The following HNRNPR variants were observed in gnomAD, a reference collection of about 807,000 sequenced individuals.
HNRNPR encodes the protein heterogeneous nuclear ribonucleoprotein R.
Under a neutral mutation model 70.3 loss-of-function variants are expected in HNRNPR, and 4 were observed. The observed-to-expected ratio is 0.06, with a 90% CI of 0.03 to 0.13. The LOEUF (loss-of-function observed/expected upper bound fraction) is 0.13, where lower values mean the gene tolerates loss of function less well. HNRNPR is among the 10% of genes least tolerant of loss of function. HNRNPR has a pLI of 1.00. For missense variants in HNRNPR, 423 were observed against 788.5 expected (o/e 0.54, Z 5.55); for synonymous variants, 241 against 267.6 (o/e 0.90, Z 0.97).
chr1:23,323,357 A>G (rs1340884779), intron 6 of HNRNPR, among the ~76,000 whole-genome samples, 199 bp downstream of exon 6: 1 of 152,230 alleles, frequency 6.6e-6, no homozygotes, highest in Non-Finnish European at 1.5e-5. Context: ...TCTATAAAAC[A>G]TTACTTTTTG....
Position 23,323,667 on chromosome 1 carries a change from G to A in HNRNPR, c.564C>T (p.Ala188=), listed in dbSNP as rs560815219. 8.9e-5 allele frequency: 144 copies of A among 1,613,858 alleles called. No individual in the cohort carries two copies. Among genetic ancestry groups the A allele is most frequent in the Middle Eastern group, 6.6e-4 (4 of 6,084 alleles). ...TAAGACGTAGATCCCAAATGGGTCCGGCCTTCTCAAAAAGGGGCACCAACT... is the reference window on the plus strand; with the variant it reads ...TAAGACGTAGATCCCAAATGGGTCCAGCCTTCTCAAAAAGGGGCACCAACT... ...EDELVPLFEK[A]GPIWDLRLMM... is the part of the protein sequence containing the mutation. Residue 188 remains alanine (A), a synonymous_variant, in exon 6 of 11, where the codon GCC becomes GCT. Transcript: ENST00000302271.
chr1:23,342,919 A>C (rs1646757533), intron 1 of HNRNPR, among the ~76,000 whole-genome samples: 1 of 152,230 alleles, frequency 6.6e-6, no homozygotes, highest in Non-Finnish European at 1.5e-5. Context: ...TTGATACTGA[A>C]ATTGGTTAAA....
chr1:23,340,211 T>A (rs530768167), intron 2 of HNRNPR, among the ~76,000 whole-genome samples: 1 of 151,674 alleles, frequency 6.6e-6, no homozygotes, highest in Non-Finnish European at 1.5e-5. Context: ...TCCCTAAGGG[T>A]AAATATTTCT....
At position 23,315,304 on chromosome 1, in the gene HNRNPR, AAC is replaced by A. The variant is rs1645497041; in HGVS notation, c.1018-1604_1018-1603del. 3.6e-5 allele frequency among the ~76,000 whole-genome samples: 5 copies of A among 138,010 alleles called. 1 individual carries two copies. Among genetic ancestry groups the A allele is most frequent in the East Asian group, 1.9e-4 (1 of 5,174 alleles). 90.5% of individuals were successfully genotyped at this position (138,010 alleles called of 152,430 possible). A position where few individuals can be genotyped will look rare whatever the true frequency, so the allele number is the denominator to read the frequency against. On this transcript the variant is annotated intron_variant, in intron 8 of 10. Coordinates refer to ENST00000302271, the MANE Select transcript of HNRNPR (RefSeq NM_005826.5). ...CAAAAAAAAAAAAAAAAAAAAAAAA[AAC>A]AAAAACCCAAAAAATGAAGAGGAGC...
At position 23,308,926 on chromosome 1, in the gene HNRNPR, A is replaced by T. The variant is rs775563645; in HGVS notation, c.*1528T>A. ...GGCTTCTGATATTTTTATCATTATAAAAACATTTGAGAACCACGTAAGAAT... is the reference window on the plus strand; with the variant it reads ...GGCTTCTGATATTTTTATCATTATATAAACATTTGAGAACCACGTAAGAAT... On this transcript the variant is annotated 3_prime_UTR_variant, in exon 11 of 11. Coordinates refer to ENST00000302271, the MANE Select transcript of HNRNPR (RefSeq NM_005826.5). 4 of 152,082 alleles carry T rather than the reference A, an allele frequency of 2.6e-5. No individual in the cohort carries two copies. The highest frequency in any genetic ancestry group is 6.5e-5 in the Admixed American group (1 of 15,280). The allele number at this position is 152,082 out of a possible 1,614,324, so 9.4% of individuals were successfully genotyped here.
intron 4 of HNRNPR, among the ~76,000 whole-genome samples, chr1:23,335,712 T>A (rs1198202830): frequency 3.9e-5 from 6 of 152,152 alleles, no homozygotes; most frequent in African/African-American, 1.4e-4. Context: ...GAAAACAAGC[T>A]CAGGGATCCC....
intron 7 of HNRNPR, among the ~76,000 whole-genome samples, chr1:23,321,094 C>T (rs894742219): frequency 2.1e-5 from 3 of 144,864 alleles, no homozygotes; most frequent in East Asian, 2.0e-4. Flanking sequence ...ACCAAGGAGG[C>T]GGAGGTTGCA....
chr1:23,311,949 C>CA (rs1331029816), intron 9 of HNRNPR: 2 of 152,246 alleles, frequency 1.3e-5, no homozygotes, highest in African/African-American at 4.8e-5. Context: ...AATGAAGACT[C>CA]AAGCAATTAT....
intron 5 of HNRNPR, among the ~76,000 whole-genome samples, chr1:23,325,108 C>G (rs1362503303): frequency 6.6e-6 from 1 of 151,996 alleles, no homozygotes; most frequent in Non-Finnish European, 1.5e-5. Flanking sequence ...CCACTACACT[C>G]CAGCCTGGGC....
In HNRNPR at chr1:23,313,558, C is replaced by T. The variant is rs758473892; in HGVS notation, c.1162G>A (p.Val388Ile). 1.3e-6 allele frequency: 2 copies of T among 1,545,516 alleles called. No homozygotes were observed. The highest frequency in any genetic ancestry group is 1.4e-5 in the African/African-American group (1 of 70,480). Residue 388 changes from valine to isoleucine, a missense_variant, in exon 9 of 11, where the codon GTT (valine) becomes ATT (isoleucine). Around this residue, in one of 7 missense-constraint regions of HNRNPR, gnomAD observed 46 missense variants for 164.6 expected, o/e 0.28. Coordinates refer to ENST00000302271, the MANE Select transcript of HNRNPR (RefSeq NM_005826.5). ...CAAAATTTCAAAATTCCTACCTTAA[C>T]AGCTGCTCCTCTGTCTTCAAAATGA... ...FVHFEDRGAAVKAMDEMNGKE... is the reference protein window; with the variant it reads ...FVHFEDRGAAIKAMDEMNGKE...
At chr1:23,337,947 C>G in intron 3 of HNRNPR, 86 bp from the exon 4 acceptor site, 4 of 836,430 alleles carry the variant, frequency 4.8e-6, no homozygotes, top group East Asian at 2.5e-5. Context: ...TTTCAGAAAA[C>G]CAGGATTTTA....
chr1:23,342,210 G>T (rs748377769), intron 1 of HNRNPR, among the ~76,000 whole-genome samples: 10 of 152,160 alleles, frequency 6.6e-5, no homozygotes, highest in Non-Finnish European at 1.3e-4. Flanking sequence ...ACAGCTTATC[G>T]AACATTGTGC....
intron 4 of HNRNPR, among the ~76,000 whole-genome samples, chr1:23,335,785 T>C (rs892437493): frequency 1.3e-5 from 2 of 152,342 alleles, no homozygotes; most frequent in South Asian, 2.1e-4. Context: ...GTAATAATAA[T>C]AGAAATAACT....
rs375992875 is a variant in HNRNPR at position 23,313,028 on chromosome 1, T to C, written c.1167+525A>G. ...TATCATCAAAGACTAAATCAACTAT[T>C]ATACACAAGTGATATCTCTAACAAT... On this transcript the variant is annotated intron_variant, in intron 9 of 10. Transcript: ENST00000302271. Among the ~76,000 whole-genome samples, 9 of 152,326 alleles carry C rather than the reference T, an allele frequency of 5.9e-5. No individual in the cohort carries two copies. The East Asian group carries it at 1.5e-3, about 26-fold the overall frequency.
rs1645644979 is a variant in HNRNPR, at chr1:23,318,769, C to T, written c.812-81G>A. 22 of 1,337,928 alleles carry T rather than the reference C, an allele frequency of 1.6e-5. No individual in the cohort carries two copies. Among genetic ancestry groups the T allele is most frequent in the South Asian group, 5.1e-5 (4 of 78,190 alleles). 82.9% of individuals were successfully genotyped at this position (1,337,928 alleles called of 1,614,324 possible). A position where few individuals can be genotyped will look rare whatever the true frequency, so the allele number is the denominator to read the frequency against. On this transcript the variant is annotated intron_variant, in intron 7 of 10. Transcript: ENST00000302271. The surrounding 1 kb of genome is among the most constrained non-coding windows in gnomAD (Gnocchi z 4.2). ...ATTAGGCAGACCTAAATCCACTTGA[C>T]GATGAGCAAAATATAAGTGAAGCAG...
chr1:23,336,722 T>TGCACTCCA (rs150382534), intron 4 of HNRNPR, among the ~76,000 whole-genome samples: 1 of 144,240 alleles, frequency 6.9e-6, no homozygotes, highest in Non-Finnish European at 1.5e-5. Context: ...ATGGCGCTAC[T>TGCACTCCA]GCACTCCAGC....
chr1:23,343,950 C>G (rs1646809612), intron 1 of HNRNPR, among the ~76,000 whole-genome samples: 1 of 152,146 alleles, frequency 6.6e-6, no homozygotes, highest in African/African-American at 2.4e-5. Flanking sequence ...CCGGCCCCAG[C>G]AGGCCGCGCG....
At chr1:23,340,601 A>C (rs1261507457) in intron 2 of HNRNPR, among the ~76,000 whole-genome samples, 3 of 152,214 alleles carry the variant, frequency 2.0e-5, no homozygotes, top group Non-Finnish European at 4.4e-5. Flanking sequence ...TATGGGTGGT[A>C]AATCTAAGAC....
chr1:23,327,346 G>A (rs1215915557), intron 5 of HNRNPR, among the ~76,000 whole-genome samples: 4 of 152,144 alleles, frequency 2.6e-5, no homozygotes, highest in Non-Finnish European at 5.9e-5. Flanking sequence ...CACAGACAAG[G>A]TCTAGGCATT....
Sources: gnomAD v4.1 joint callset for allele counts (sites outside exome capture counted in the v4.1 genomes callset) on GRCh38, gnomAD v4.1.1 for gene constraint, gnomAD v4.1.1 regional missense constraint, Gnocchi (gnomAD v3.1) non-coding constraint, MANE v1.5 for transcripts, NCBI Gene and HGNC (gene_info 2026-07-23, HGNC 2026-07-21) for gene names.